TOX4: variants seen among roughly 807,000 people sequenced by gnomAD.
The protein encoded by TOX4 is epidermal Langerhans cell protein LCP1.
TOX4 carries 12 observed loss-of-function variants against 61.0 expected under a neutral mutation model. The observed-to-expected ratio is 0.20, with a 90% CI of 0.13 to 0.32. The LOEUF (loss-of-function observed/expected upper bound fraction) is 0.32. TOX4 is among the 10% of genes least tolerant of loss of function. The pLI is 1.00. For missense variants in TOX4, 499 were observed against 753.3 expected, an observed-to-expected ratio of 0.66 and a Z score of 3.95; for synonymous variants, 268 against 274.8, an observed-to-expected ratio of 0.98 and a Z score of 0.24.
chr14:21,493,498 A>G (rs1486815565), intron 7 of TOX4, among the ~76,000 whole-genome samples: 2 of 151,770 alleles, frequency 1.3e-5, no homozygotes, highest in African/African-American at 4.8e-5. Flanking sequence ...CTGGAGTGCA[A>G]TGGTGCGATC....
chr14:21,482,353 C>T (rs147976876), intron 2 of TOX4, among the ~76,000 whole-genome samples: 3 of 152,190 alleles, frequency 2.0e-5, no homozygotes, highest in African/African-American at 7.2e-5. Context: ...CCCATAGTAC[C>T]AGCGTATTGT....
At position 21,498,721 on chromosome 14, in the gene TOX4, T is replaced by C. The variant is rs1309845523; in HGVS notation, c.*2115T>C. 1.5e-5 allele frequency: 7 copies of C among 461,092 alleles called. No homozygotes were observed. Among genetic ancestry groups the C allele is most frequent in the Admixed American group, 1.1e-4 (3 of 26,336 alleles). 28.6% of individuals were successfully genotyped at this position (461,092 alleles called of 1,614,324 possible). A position where few individuals can be genotyped will look rare whatever the true frequency, so the allele number is the denominator to read the frequency against. The stretch of plus-strand genomic sequence containing the variant: ...AAGATGTAATTATTGACAGATTAAA[T>C]AGATAACTTCGTAACCACCAGGGGG... On this transcript the variant is annotated 3_prime_UTR_variant, in exon 9 of 9. Transcript: ENST00000448790.
rs993311841 is a variant in TOX4, at chr14:21,489,472, T to C, written c.810+69T>C. On this transcript the variant is annotated intron_variant, in intron 5 of 8. Transcript: ENST00000448790. ...TTTAAAGAGATAAAAATTGAGGTTT[T>C]CTTTTTTCTTACATGTCCTTATCTA... 3.7e-5 allele frequency: 51 copies of C among 1,364,618 alleles called. 1 individual carries two copies. The Admixed American group carries it at 7.6e-4, about 20-fold the overall frequency. 84.5% of individuals were successfully genotyped at this position (1,364,618 alleles called of 1,614,324 possible).
At chr14:21,477,629 G>T (rs756870204) in intron 2 of TOX4, 65 bp downstream of exon 2, 2 of 1,574,598 alleles carry the variant, frequency 1.3e-6, no homozygotes, top group Non-Finnish European at 1.7e-6. Flanking sequence ...GGGTAGTGGG[G>T]AGGAGAGCAC....
chr14:21,489,933 G>T (rs1274541520), intron 5 of TOX4, among the ~76,000 whole-genome samples: 2 of 151,412 alleles, frequency 1.3e-5, no homozygotes, highest in African/African-American at 4.8e-5. Flanking sequence ...TTTAATCCCA[G>T]CACTTTGGGA....
Position 21,496,642 on chromosome 14 carries a change from G to C in TOX4, c.*36G>C. Reference sequence around the variant, plus strand: ...TCTCCAAGCCAGTGAAGAGTTATCTGCTGGGAAAGTGTCCAAGAGCCTGTT... The same window carrying C: ...TCTCCAAGCCAGTGAAGAGTTATCTCCTGGGAAAGTGTCCAAGAGCCTGTT... On this transcript the variant is annotated 3_prime_UTR_variant, in exon 9 of 9. Coordinates refer to ENST00000448790, the MANE Select transcript of TOX4 (RefSeq NM_014828.4). 4 of 1,588,218 alleles carry C rather than the reference G, an allele frequency of 2.5e-6. No individual in the cohort carries two copies. Among genetic ancestry groups the C allele is most frequent in the Non-Finnish European group, 3.5e-6 (4 of 1,159,106 alleles).
chr14:21,498,931 G>A lies in TOX4; in HGVS notation c.*2325G>A. On this transcript the variant is annotated 3_prime_UTR_variant, in exon 9 of 9. Coordinates refer to ENST00000448790, the MANE Select transcript of TOX4 (RefSeq NM_014828.4). ...ATGAATCCTGTGAAGCTCATTTATG[G>A]ACTAGTGTAAAACAATGTGAAGCTC... 1.2e-6 allele frequency: 1 copy of A among 803,372 alleles called. No homozygotes were observed. Among genetic ancestry groups the A allele is most frequent in the African/African-American group, 1.7e-5 (1 of 58,076 alleles). The allele number at this position is 803,372 out of a possible 1,614,324, so 49.8% of individuals were successfully genotyped here.
chr14:21,481,269 C>T (rs1191587879), intron 2 of TOX4, among the ~76,000 whole-genome samples: 2 of 152,060 alleles, frequency 1.3e-5, no homozygotes, highest in African/African-American at 4.8e-5. Flanking sequence ...ACCTCCACCT[C>T]TCACGTTCAA....
intron 3 of TOX4, 90 bp from the exon 4 acceptor site, chr14:21,488,500 G>A: frequency 8.0e-7 from 1 of 1,255,784 alleles, no homozygotes; most frequent in Non-Finnish European, 1.1e-6. Context: ...AATTTGGGTA[G>A]GCAGGGAATT....
At chr14:21,480,644 C>T (rs868332891) in intron 2 of TOX4, among the ~76,000 whole-genome samples, 5 of 152,110 alleles carry the variant, frequency 3.3e-5, no homozygotes, top group South Asian at 2.1e-4. Flanking sequence ...AATAATTGGA[C>T]TCCACTGTAA....
chr14:21,493,328 G>A, intron 7 of TOX4, 71 bp downstream of exon 7: 2 of 1,500,412 alleles, frequency 1.3e-6, no homozygotes, highest in Non-Finnish European at 1.8e-6. Flanking sequence ...CCCAATAACA[G>A]TGGGGGTTGC....
intron 7 of TOX4, among the ~76,000 whole-genome samples, chr14:21,494,643 T>A (rs1335716411): frequency 6.6e-6 from 1 of 150,496 alleles, no homozygotes; most frequent in African/African-American, 2.4e-5. Context: ...CCAGCTACTC[T>A]GGAGGCTGAG....
intron 2 of TOX4, 86 bp downstream of exon 2, chr14:21,477,650 G>T: frequency 6.7e-7 from 1 of 1,486,072 alleles, no homozygotes. Flanking sequence ...GGACTCCGGG[G>T]ACGGGGGCTG....
At chr14:21,484,009 G>T (rs1229858294) in intron 2 of TOX4, among the ~76,000 whole-genome samples, 10 of 152,060 alleles carry the variant, frequency 6.6e-5, no homozygotes, top group Admixed American at 6.6e-4. Flanking sequence ...GGTTTTCCAT[G>T]TTGGCCAGGC....
intron 3 of TOX4, 59 bp from the exon 4 acceptor site, chr14:21,488,530 AG>A (rs1891228319): frequency 1.3e-5 from 20 of 1,535,914 alleles, no homozygotes; most frequent in African/African-American, 2.8e-5. Flanking sequence ...TCTTAAATTT[AG>A]GGGGGAAAAG....
chr14:21,490,209 G>A (rs373417585), intron 5 of TOX4, among the ~76,000 whole-genome samples: 24 of 151,162 alleles, frequency 1.6e-4, no homozygotes, highest in Admixed American at 5.9e-4. Flanking sequence ...CGGGCGCGGT[G>A]GCTCACGCCT....
chr14:21,483,479 A>G (rs1645191990), intron 2 of TOX4, among the ~76,000 whole-genome samples: 2 of 151,868 alleles, frequency 1.3e-5, no homozygotes, highest in African/African-American at 4.8e-5. Flanking sequence ...AAATATCAGA[A>G]AGAGTCATGG....
At chr14:21,488,948 C>A in intron 4 of TOX4, 98 bp downstream of exon 4, 1 of 1,514,414 alleles carries the variant, frequency 6.6e-7, no homozygotes, top group Non-Finnish European at 8.9e-7. Context: ...CTTGCCGTGC[C>A]ATCTCCTCTG....
chr14:21,487,363 A>C, intron 2 of TOX4, 88 bp from the exon 3 acceptor site: 1 of 1,500,264 alleles, frequency 6.7e-7, no homozygotes. Context: ...CATCCTGAGA[A>C]TCTCTAGTAC....
Sources: allele counts gnomAD v4.1 joint callset (sites outside exome capture counted in the v4.1 genomes callset), GRCh38; gene constraint gnomAD v4.1.1; transcripts MANE v1.5; gene names NCBI Gene and HGNC (gene_info 2026-07-23, HGNC 2026-07-21).